SGMS1: variants seen among roughly 807,000 people sequenced by gnomAD.
The protein encoded by SGMS1 is phosphatidylcholine:ceramide cholinephosphotransferase 1.
In SGMS1, 13 loss-of-function variants were observed where a neutral mutation model predicts 46.2. That is an observed-to-expected ratio of 0.28 (90% confidence interval 0.18 to 0.45). The LOEUF (loss-of-function observed/expected upper bound fraction) is 0.45, where lower values mean the gene tolerates loss of function less well. Ranked by LOEUF, SGMS1 falls within the 20% of genes least tolerant of loss-of-function variation. The probability of loss-of-function intolerance (pLI) is 1.00; values close to 1 mark genes in which losing one functional copy is unlikely to be tolerated. For synonymous variants in SGMS1, 203 were observed against 187.8 expected, an observed-to-expected ratio of 1.08 and a Z score of -0.66; for missense variants, 324 against 519.9, an observed-to-expected ratio of 0.62 and a Z score of 3.66.
intron 3 of SGMS1, among the ~76,000 whole-genome samples, chr10:50,488,024 T>G (rs1043938343): frequency 4.3e-4 from 60 of 138,656 alleles, no homozygotes; most frequent in African/African-American, 1.3e-3. Flanking sequence ...TTTATTTATT[T>G]ATTTATTGAG....
chr10:50,324,858 G>C (rs1390294702), intron 8 of SGMS1, among the ~76,000 whole-genome samples: 1 of 152,186 alleles, frequency 6.6e-6, no homozygotes, highest in Non-Finnish European at 1.5e-5. Flanking sequence ...CAGGCTACTG[G>C]TAGAGGGGTG....
intron 6 of SGMS1, among the ~76,000 whole-genome samples, chr10:50,399,486 G>C (rs1292016728): frequency 6.6e-6 from 1 of 152,108 alleles, no homozygotes; most frequent in Non-Finnish European, 1.5e-5. Flanking sequence ...CATATAAGCA[G>C]TCAGTTTAAG....
At chr10:50,581,181 C>T (rs547701251) in intron 2 of SGMS1, among the ~76,000 whole-genome samples, 19 of 152,260 alleles carry the variant, frequency 1.2e-4, no homozygotes, top group South Asian at 2.1e-4. Context: ...ATGTAAGGAG[C>T]GGGGAGTTAT....
intron 1 of SGMS1, among the ~76,000 whole-genome samples, chr10:50,591,566 A>G (rs957153220): frequency 2.0e-5 from 3 of 152,118 alleles, no homozygotes; most frequent in Non-Finnish European, 4.4e-5. Context: ...CCCTTAATGT[A>G]TTTTTGCCAT....
At chr10:50,523,629 T>C (rs1837874627) in intron 2 of SGMS1, among the ~76,000 whole-genome samples, 1 of 152,250 alleles carries the variant, frequency 6.6e-6, no homozygotes, top group Non-Finnish European at 1.5e-5. Context: ...TTTATGTGCA[T>C]ATTCTTAGGG....
intron 1 of SGMS1, among the ~76,000 whole-genome samples, chr10:50,618,296 G>A (rs951771597): frequency 6.6e-6 from 1 of 152,156 alleles, no homozygotes; most frequent in African/African-American, 2.4e-5. Context: ...TAATCTTGGG[G>A]TAAGGAAAAA....
chr10:50,545,908 T>A lies in SGMS1; in HGVS notation c.-588-25987A>T, dbSNP rs1209528064. ...TCATAGGTCATAATAAATGATTATA[T>A]TCATAGACATTCTGTGCAAAGGTTG... On this transcript the variant is annotated intron_variant, in intron 2 of 10. Coordinates refer to ENST00000361781, the MANE Select transcript of SGMS1 (RefSeq NM_147156.4). Among the ~76,000 whole-genome samples, 3 of 152,160 alleles carry A rather than the reference T, an allele frequency of 2.0e-5. No individual in the cohort carries two copies. The East Asian group carries it at 5.8e-4, about 29-fold the overall frequency.
At chr10:50,494,134 T>C (rs1344746843) in intron 3 of SGMS1, among the ~76,000 whole-genome samples, 1 of 152,180 alleles carries the variant, frequency 6.6e-6, no homozygotes, top group Non-Finnish European at 1.5e-5. Flanking sequence ...AAATAACAAA[T>C]GCTGGCGAGG....
intron 5 of SGMS1, among the ~76,000 whole-genome samples, chr10:50,451,320 T>C (rs1470909472): frequency 6.6e-6 from 1 of 152,218 alleles, no homozygotes; most frequent in African/African-American, 2.4e-5. Flanking sequence ...GTTATGTTTC[T>C]GGTTCCTCTC....
chr10:50,314,006 C>T (rs1589380947), intron 8 of SGMS1, among the ~76,000 whole-genome samples: 1 of 151,724 alleles, frequency 6.6e-6, no homozygotes, highest in Middle Eastern at 3.4e-3. Context: ...TTAAAAAAAG[C>T]AAACAAAATA....
intron 1 of SGMS1, among the ~76,000 whole-genome samples, chr10:50,613,768 G>C (rs560709384): frequency 6.6e-6 from 1 of 152,200 alleles, no homozygotes; most frequent in African/African-American, 2.4e-5. Context: ...TTCGTCCCGA[G>C]GTTTTATATA....
intron 2 of SGMS1, among the ~76,000 whole-genome samples, chr10:50,563,730 G>GA (rs1156904330): frequency 8.5e-6 from 1 of 117,966 alleles, no homozygotes; most frequent in Non-Finnish European, 1.7e-5. Flanking sequence ...GCGACAGAGC[G>GA]AGACTCCGTC....
chr10:50,504,120 T>G (rs1046307523), intron 3 of SGMS1, among the ~76,000 whole-genome samples: 2 of 152,184 alleles, frequency 1.3e-5, no homozygotes, highest in Non-Finnish European at 2.9e-5. Flanking sequence ...AGACACAGTC[T>G]GACAAGTATA....
chr10:50,363,962 A>T (rs1337116295), intron 6 of SGMS1, among the ~76,000 whole-genome samples: 15 of 152,146 alleles, frequency 9.9e-5, no homozygotes, highest in Admixed American at 9.8e-4. Flanking sequence ...ATGAAAAACT[A>T]TTACTAACAT....
chr10:50,346,744 A>G (rs2133368912), intron 6 of SGMS1, among the ~76,000 whole-genome samples: 1 of 152,164 alleles, frequency 6.6e-6, no homozygotes, highest in South Asian at 2.1e-4. Flanking sequence ...TCTATTGCCC[A>G]GGCTGGAGTG....
At chr10:50,320,038 G>A (rs1847415112) in intron 8 of SGMS1, among the ~76,000 whole-genome samples, 1 of 151,944 alleles carries the variant, frequency 6.6e-6, no homozygotes, top group Non-Finnish European at 1.5e-5. Context: ...CTATATATTA[G>A]TTATTTAGAG....
chr10:50,593,496 ATTT>A (rs1002524730), intron 1 of SGMS1, among the ~76,000 whole-genome samples: 2 of 151,740 alleles, frequency 1.3e-5, no homozygotes, highest in African/African-American at 2.4e-5. Context: ...CAGTGTTTAA[ATTT>A]TTTTTTCTTT....
chr10:50,589,030 C>G (rs2131889281), intron 2 of SGMS1, among the ~76,000 whole-genome samples: 1 of 151,980 alleles, frequency 6.6e-6, no homozygotes, highest in East Asian at 1.9e-4. Context: ...CAGGCCCAGC[C>G]CTGGTCTATT....
intron 8 of SGMS1, among the ~76,000 whole-genome samples, chr10:50,326,921 G>A (rs1027826186): frequency 1.3e-5 from 2 of 152,114 alleles, no homozygotes; most frequent in Non-Finnish European, 2.9e-5. Flanking sequence ...TTCTGGATGC[G>A]TGTCAAAGAA....
Sources: allele counts gnomAD v4.1 joint callset (sites outside exome capture counted in the v4.1 genomes callset), GRCh38; gene constraint gnomAD v4.1.1; transcripts MANE v1.5; gene names NCBI Gene and HGNC (gene_info 2026-07-23, HGNC 2026-07-21).